The following LMBR1 variants were observed in gnomAD, a reference collection of about 807,000 sequenced individuals.
LMBR1 encodes the protein limb development membrane protein 1.
LMBR1 carries 52 observed loss-of-function variants against 73.9 expected under a neutral mutation model. The observed-to-expected ratio is 0.70, with a 90% CI of 0.56 to 0.89. LMBR1 has a LOEUF of 0.89. Ranked by LOEUF, LMBR1 falls within the 40% of genes least tolerant of loss-of-function variation. LMBR1 has a pLI of 0.00. For missense variants in LMBR1, 539 were observed against 579.8 expected (o/e 0.93, Z 0.72); for synonymous variants, 215 against 209.4 (o/e 1.03, Z -0.23).
intron 9 of LMBR1, among the ~76,000 whole-genome samples, chr7:156,740,059 T>TA (rs1279275216): frequency 1.3e-5 from 2 of 151,740 alleles, no homozygotes; most frequent in African/African-American, 4.8e-5. Context: ...ATTGAAATAA[T>TA]AAAAAAGAAT....
At chr7:156,800,118 C>G (rs141891233) in intron 4 of LMBR1, among the ~76,000 whole-genome samples, 1 of 152,224 alleles carries the variant, frequency 6.6e-6, no homozygotes, top group South Asian at 2.1e-4. Flanking sequence ...TCCAGAAGAT[C>G]TGGCTAAGAC....
At chr7:156,850,270 C>T (rs1206342317) in intron 1 of LMBR1, among the ~76,000 whole-genome samples, 2 of 152,160 alleles carry the variant, frequency 1.3e-5, no homozygotes, top group East Asian at 3.9e-4. Context: ...AACACAAAGG[C>T]CCTTGCCAGA....
At chr7:156,718,862 CTTT>C (rs141231287) in intron 15 of LMBR1, among the ~76,000 whole-genome samples, 1 of 145,012 alleles carries the variant, frequency 6.9e-6, no homozygotes, top group Non-Finnish European at 1.5e-5. Context: ...TTTCAAGTTA[CTTT>C]TTTTTTTTTA....
chr7:156,790,000 G>A (rs1291536684), intron 5 of LMBR1, among the ~76,000 whole-genome samples: 1 of 151,856 alleles, frequency 6.6e-6, no homozygotes, highest in Non-Finnish European at 1.5e-5. Flanking sequence ...TTAAACAGAG[G>A]CCTGAACTAT....
intron 15 of LMBR1, among the ~76,000 whole-genome samples, chr7:156,692,024 G>A (rs1275468973): frequency 2.0e-5 from 3 of 152,060 alleles, no homozygotes; most frequent in Non-Finnish European, 4.4e-5. Context: ...TAAAACGAAA[G>A]AGAGGCTCCA....
At chr7:156,804,151 A>C (rs1045494804) in intron 4 of LMBR1, among the ~76,000 whole-genome samples, 8 of 152,184 alleles carry the variant, frequency 5.3e-5, no homozygotes, top group African/African-American at 1.9e-4. Context: ...AATAATAATA[A>C]AATAAAATAA....
At chr7:156,732,519 A>C (rs1427078095) in intron 10 of LMBR1, among the ~76,000 whole-genome samples, 3 of 152,192 alleles carry the variant, frequency 2.0e-5, no homozygotes, top group Non-Finnish European at 2.9e-5. Flanking sequence ...AGAATTCATA[A>C]AAAATTCTCA....
chr7:156,676,673 G>T, downstream of LMBR1: 1 of 1,598,102 alleles, frequency 6.3e-7, no homozygotes, highest in Non-Finnish European at 8.6e-7. Context: ...GTCAAGGAAA[G>T]TTAGGTAATT....
At chr7:156,747,387 AT>A (rs1341388512) in intron 9 of LMBR1, among the ~76,000 whole-genome samples, 1 of 152,164 alleles carries the variant, frequency 6.6e-6, no homozygotes, top group Non-Finnish European at 1.5e-5. Flanking sequence ...AGATAACAGA[AT>A]TTCCCAAAGT....
intron 1 of LMBR1, among the ~76,000 whole-genome samples, chr7:156,852,780 T>C (rs1229505809): frequency 3.9e-5 from 6 of 152,172 alleles, no homozygotes; most frequent in Non-Finnish European, 8.8e-5. Context: ...AATCCCATGA[T>C]GCACAGAACA....
chr7:156,724,088 T>C, intron 15 of LMBR1, 24 bp downstream of exon 15: 1 of 1,584,900 alleles, frequency 6.3e-7, no homozygotes, highest in Non-Finnish European at 8.6e-7. Context: ...GATCTTTAAG[T>C]GAAAATTTCT....
chr7:156,806,858 C>G (rs1018727802), intron 4 of LMBR1, among the ~76,000 whole-genome samples: 16 of 151,966 alleles, frequency 1.1e-4, no homozygotes, highest in African/African-American at 3.9e-4. Flanking sequence ...GTGATCCACC[C>G]GCCTCAGCCT....
At chr7:156,761,813 A>G (rs1823053151) in intron 8 of LMBR1, among the ~76,000 whole-genome samples, 1 of 151,960 alleles carries the variant, frequency 6.6e-6, no homozygotes, top group African/African-American at 2.4e-5. Context: ...CGTCTCTACT[A>G]AAAATACAAA....
At chr7:156,781,954 C>G (rs967933662) in intron 5 of LMBR1, among the ~76,000 whole-genome samples, 1 of 152,234 alleles carries the variant, frequency 6.6e-6, no homozygotes, top group African/African-American at 2.4e-5. Context: ...TATTCACCAA[C>G]TGAAACTCTG....
At chr7:156,673,315 A>G (rs190894932), downstream of LMBR1, among the ~76,000 whole-genome samples, 1 of 152,336 alleles carries the variant, frequency 6.6e-6, no homozygotes, top group East Asian at 1.9e-4. Context: ...CTGAATTACA[A>G]AGCATCAATT....
chr7:156,839,510 GA>G (rs57666207), intron 1 of LMBR1, among the ~76,000 whole-genome samples: 9,885 of 151,632 alleles, frequency 0.065, 368 homozygotes, highest in East Asian at 0.14. Context: ...GTGGAACATG[GA>G]AAAAAAAATT....
At chr7:156,716,039 TATTAAC>T (rs1306169844) in intron 15 of LMBR1, among the ~76,000 whole-genome samples, 1 of 152,178 alleles carries the variant, frequency 6.6e-6, no homozygotes, top group Non-Finnish European at 1.5e-5. Flanking sequence ...TCAAAATACT[TATTAAC>T]ATCAAAAATA....
rs1834355456 is a variant in LMBR1 at position 156,819,040 on chromosome 7, T to C, written c.319+7565A>G. Among the ~76,000 whole-genome samples the C allele has an allele frequency of 1.3e-5, 2 of 152,158 alleles. 1 individual carries two copies. Among genetic ancestry groups the C allele is most frequent in the Admixed American group, 1.3e-4 (2 of 15,270 alleles). ...CAGCCAAAACCCAGAGGCCAGAGGA[T>C]CATCATCAGGTCTCCTAACTCCAAT... On this transcript the variant is annotated intron_variant, in intron 4 of 16. Transcript: ENST00000353442.
intron 8 of LMBR1, 139 bp downstream of exon 8, chr7:156,761,993 CTT>C (rs1823136033): frequency 5.8e-6 from 2 of 346,500 alleles, no homozygotes; most frequent in East Asian, 6.3e-5. Context: ...AAAAAAAAAA[CTT>C]AATAAAACAA....
Sources: allele counts gnomAD v4.1 joint callset (sites outside exome capture counted in the v4.1 genomes callset), GRCh38; gene constraint gnomAD v4.1.1; transcripts MANE v1.5; gene names NCBI Gene and HGNC (gene_info 2026-07-23, HGNC 2026-07-21).